The following IL1R1 variants were observed in gnomAD, a reference collection of about 807,000 sequenced individuals.
The protein encoded by IL1R1 is interleukin-1 receptor type 1.
In IL1R1, 22 loss-of-function variants were observed where a neutral mutation model predicts 50.2. The observed-to-expected ratio is 0.44, with a 90% CI of 0.31 to 0.63. IL1R1 has a LOEUF of 0.63. Ranked by LOEUF, IL1R1 falls within the 20% of genes least tolerant of loss-of-function variation. The probability of loss-of-function intolerance (pLI) is 0.07; values close to 1 mark genes in which losing one functional copy is unlikely to be tolerated. For synonymous variants in IL1R1, 251 were observed against 236.7 expected (o/e 1.06, Z -0.55); for missense variants, 509 against 676.2 (o/e 0.75, Z 2.74).
intron 1 of IL1R1, among the ~76,000 whole-genome samples, chr2:102,091,642 C>T (rs909141096): frequency 4.6e-5 from 7 of 152,144 alleles, no homozygotes; most frequent in South Asian, 2.1e-4. Context: ...TTCAAGTTCT[C>T]TCTTGTAACT....
At chr2:102,172,965 A>G (rs1685817387) in intron 9 of IL1R1, 127 bp downstream of exon 9, 2 of 649,006 alleles carry the variant, frequency 3.1e-6, no homozygotes, top group Non-Finnish European at 5.3e-6. Flanking sequence ...GGTAACTTCT[A>G]TTTCTCTTTT....
intron 6 of IL1R1, 87 bp from the exon 7 acceptor site, chr2:102,168,511 C>T (rs1685392923): frequency 1.2e-5 from 12 of 1,014,692 alleles, no homozygotes; most frequent in Non-Finnish European, 1.6e-5. Flanking sequence ...GGCCAGAAGT[C>T]ATTTAGTATG....
chr2:102,110,800 G>A (rs922982791), intron 1 of IL1R1, among the ~76,000 whole-genome samples: 3 of 152,092 alleles, frequency 2.0e-5, no homozygotes, highest in East Asian at 1.9e-4. Context: ...GGGATGCGTG[G>A]ACCCTGCCAG....
chr2:102,148,894 G>C (rs937352852), intron 1 of IL1R1, among the ~76,000 whole-genome samples: 1 of 152,162 alleles, frequency 6.6e-6, no homozygotes, highest in Non-Finnish European at 1.5e-5. Flanking sequence ...GCAGTGAGCT[G>C]TAATCACACC....
chr2:102,113,389 T>G (rs1680886483), intron 1 of IL1R1, among the ~76,000 whole-genome samples: 1 of 152,214 alleles, frequency 6.6e-6, no homozygotes, highest in African/African-American at 2.4e-5. Flanking sequence ...GTCTTAACCA[T>G]GAGTCTCTTC....
chr2:102,131,030 A>T (rs1190033713), intron 1 of IL1R1, among the ~76,000 whole-genome samples: 1 of 152,160 alleles, frequency 6.6e-6, no homozygotes, highest in African/African-American at 2.4e-5. Flanking sequence ...TGAGAAGACT[A>T]CCCAAAGTCA....
intron 1 of IL1R1, among the ~76,000 whole-genome samples, chr2:102,073,203 T>A (rs1011307744): frequency 3.9e-5 from 6 of 152,168 alleles, no homozygotes; most frequent in Admixed American, 3.3e-4. Flanking sequence ...TCCACAGCTA[T>A]TTCATGAGGG....
At chr2:102,176,100 T>A in intron 11 of IL1R1, 1 of 465,590 alleles carries the variant, frequency 2.1e-6, no homozygotes, top group Non-Finnish European at 3.8e-6. Flanking sequence ...GGTGAGAGGG[T>A]CACTTGAGCC....
intron 1 of IL1R1, among the ~76,000 whole-genome samples, chr2:102,112,598 G>A (rs1185823589): frequency 1.3e-5 from 2 of 152,174 alleles, no homozygotes; most frequent in East Asian, 3.9e-4. Flanking sequence ...GTGTAACATG[G>A]GATGGGGGTT....
upstream of IL1R1, among the ~76,000 whole-genome samples, chr2:102,139,264 G>C (rs905254403): frequency 1.3e-5 from 2 of 152,166 alleles, no homozygotes; most frequent in Non-Finnish European, 2.9e-5. Flanking sequence ...TGAGTGTCTG[G>C]GGACTCTCAG....
chr2:102,167,592 C>T (rs556624062), intron 6 of IL1R1, among the ~76,000 whole-genome samples: 7 of 151,828 alleles, frequency 4.6e-5, no homozygotes, highest in South Asian at 2.1e-4. Flanking sequence ...GAACTACAGG[C>T]GCCCGCCACC....
intron 1 of IL1R1, among the ~76,000 whole-genome samples, chr2:102,105,388 G>T (rs978734482): frequency 5.3e-5 from 8 of 152,016 alleles, no homozygotes; most frequent in Non-Finnish European, 7.4e-5. Flanking sequence ...TGTTTGAGAT[G>T]GGGTCTCACT....
intron 1 of IL1R1, among the ~76,000 whole-genome samples, chr2:102,098,557 T>C (rs1680001980): frequency 6.6e-6 from 1 of 152,204 alleles, no homozygotes; most frequent in Admixed American, 6.5e-5. Flanking sequence ...TCAAGAATTC[T>C]GGAATAAGTT....
chr2:102,174,854 A>T, intron 10 of IL1R1, 124 bp downstream of exon 10: 1 of 674,318 alleles, frequency 1.5e-6, no homozygotes, highest in South Asian at 2.2e-5. Context: ...ATATACAAGA[A>T]TACTAGTTAT....
chr2:102,133,382 T>C (rs192488398), intron 1 of IL1R1, among the ~76,000 whole-genome samples: 1 of 152,158 alleles, frequency 6.6e-6, no homozygotes, highest in East Asian at 1.9e-4. Flanking sequence ...TAGGAGTAAA[T>C]GCTTCTCAAC....
At chr2:102,106,634 A>T (rs6729953) in intron 1 of IL1R1, among the ~76,000 whole-genome samples, 1 of 152,152 alleles carries the variant, frequency 6.6e-6, no homozygotes, top group Non-Finnish European at 1.5e-5. Context: ...GTAAAAGACG[A>T]GAAGTAAAAA....
chr2:102,148,843 A>G (rs984511357), intron 1 of IL1R1, among the ~76,000 whole-genome samples: 2 of 152,150 alleles, frequency 1.3e-5, no homozygotes, highest in African/African-American at 4.8e-5. Flanking sequence ...TAATAGCTGT[A>G]TGAATCTTAT....
At chr2:102,173,594 G>C (rs1031989883) in intron 9 of IL1R1, among the ~76,000 whole-genome samples, 2 of 152,050 alleles carry the variant, frequency 1.3e-5, no homozygotes, top group African/African-American at 4.8e-5. Context: ...AGATAAATTA[G>C]AGAAGAACTA....
intron 1 of IL1R1, among the ~76,000 whole-genome samples, chr2:102,147,019 G>A (rs985079500): frequency 2.0e-5 from 3 of 152,166 alleles, no homozygotes; most frequent in Non-Finnish European, 2.9e-5. Context: ...GCAGGGCACC[G>A]GACATGTCTA....
Sources: gnomAD v4.1 joint callset for allele counts (sites outside exome capture counted in the v4.1 genomes callset) on GRCh38, gnomAD v4.1.1 for gene constraint, MANE v1.5 for transcripts, NCBI Gene and HGNC (gene_info 2026-07-23, HGNC 2026-07-21) for gene names.